Variants in DYNC2H1 observed in about 807,000 individuals in gnomAD.
DYNC2H1 encodes cytoplasmic dynein 2 heavy chain 1.
A neutral mutation model predicts 570.0 loss-of-function variants in DYNC2H1; 410 were observed. The observed-to-expected ratio is 0.72, with a 90% confidence interval of 0.66 to 0.78. The LOEUF (loss-of-function observed/expected upper bound fraction) is 0.78. DYNC2H1 is among the 30% of genes least tolerant of loss of function. The probability of loss-of-function intolerance (pLI) is 0.00; values close to 1 mark genes in which losing one functional copy is unlikely to be tolerated. For synonymous variants in DYNC2H1, 1,688 were observed against 1,677.6 expected, an observed-to-expected ratio of 1.01 and a Z score of -0.15; for missense variants, 4,865 against 5,046.4, an observed-to-expected ratio of 0.96 and a Z score of 1.09.
Position 103,465,958 on chromosome 11 carries a change from T to C in DYNC2H1, c.12649-2631T>C, listed in dbSNP as rs1231768428. On this transcript the variant is annotated intron_variant, in intron 87 of 88. Coordinates refer to ENST00000375735, the MANE Select transcript of DYNC2H1 (RefSeq NM_001377.3). The surrounding 1 kb of genome is among the most constrained non-coding windows in gnomAD (Gnocchi z 4.9). ...TCCTGAAGGAAGCAGCAGCCAAGCT[T>C]ACTTGGCAAAGGGGTGCATATTAGG... 6.6e-6 allele frequency among the ~76,000 whole-genome samples: 1 copy of C among 152,200 alleles called. No individual in the cohort carries two copies. Among genetic ancestry groups the C allele is most frequent in the Non-Finnish European group, 1.5e-5 (1 of 68,040 alleles).
At chr11:103,352,398 C>T (rs774510525) in intron 82 of DYNC2H1, among the ~76,000 whole-genome samples, 16 of 152,114 alleles carry the variant, frequency 1.1e-4, no homozygotes, top group Admixed American at 2.6e-4. Context: ...ATTAACTGCC[C>T]ATTCACTATT....
At chr11:103,389,508 T>C (rs1453268209) in intron 83 of DYNC2H1, among the ~76,000 whole-genome samples, 3 of 152,194 alleles carry the variant, frequency 2.0e-5, no homozygotes, top group Non-Finnish European at 4.4e-5. Flanking sequence ...TCATTTCTGC[T>C]CTGATCTTAG....
intron 82 of DYNC2H1, among the ~76,000 whole-genome samples, chr11:103,340,501 A>G (rs1415787073): frequency 6.6e-6 from 1 of 152,218 alleles, no homozygotes; most frequent in Non-Finnish European, 1.5e-5. Flanking sequence ...CTTTATTGCT[A>G]GACTAAACTA....
At chr11:103,382,958 G>A (rs1941717045) in intron 83 of DYNC2H1, among the ~76,000 whole-genome samples, 1 of 152,194 alleles carries the variant, frequency 6.6e-6, no homozygotes, top group Non-Finnish European at 1.5e-5. Flanking sequence ...ATATTTGCAG[G>A]AAGCAGCTAC....
At chr11:103,126,758 TC>T (rs1184434622) in intron 12 of DYNC2H1, among the ~76,000 whole-genome samples, 1 of 151,620 alleles carries the variant, frequency 6.6e-6, no homozygotes, top group Non-Finnish European at 1.5e-5. Flanking sequence ...TGCCTCAGCC[TC>T]CCGAGTAGCT....
In DYNC2H1 at chr11:103,311,865, A is replaced by G. The variant is rs1867603139; in HGVS notation, c.11494-13A>G. 1 of 1,596,988 alleles carries G rather than the reference A, an allele frequency of 6.3e-7. No homozygotes were observed. Among genetic ancestry groups the G allele is most frequent in the Non-Finnish European group, 8.5e-7 (1 of 1,172,544 alleles). On this transcript the variant is annotated splice_polypyrimidine_tract_variant and intron_variant, in intron 78 of 88. Transcript: ENST00000375735. The stretch of plus-strand genomic sequence containing the variant: ...GATTTTAGCAATAGGATGTCTGTTG[A>G]TTTTTTTTCTAGTCACCTCCAGGTT...
intron 84 of DYNC2H1, among the ~76,000 whole-genome samples, chr11:103,414,805 C>T (rs1943218985): frequency 6.6e-6 from 1 of 152,008 alleles, no homozygotes. Flanking sequence ...GAGTAAAATA[C>T]CTAAGAATAC....
intron 1 of DYNC2H1, among the ~76,000 whole-genome samples, chr11:103,113,174 C>G (rs1858193116): frequency 6.6e-6 from 1 of 152,020 alleles, no homozygotes; most frequent in African/African-American, 2.4e-5. Context: ...TCATTGTGTA[C>G]CTGGAGCCTA....
Position 103,455,197 on chromosome 11 carries a change from T to G in DYNC2H1, c.12468T>G (p.Asp4156Glu). 6.2e-7 allele frequency: 1 copy of G among 1,613,256 alleles called. No individual in the cohort carries two copies. The highest frequency in any genetic ancestry group is 8.5e-7 in the Non-Finnish European group (1 of 1,179,416). Residue 4156 changes from aspartate (D) to glutamate (E), a missense_variant, in exon 86 of 89, where the codon GAT becomes GAG. By Grantham distance (45) the Asp-to-Glu change is conservative (BLOSUM62 2). Transcript: ENST00000375735. ...TTCCCCCCCTCTAGAACTGGGTAGA[T>G]AAAGCTGAAAAACAGGCTCTTCTCT... ...ARALAIQNWV[D>E]KAEKQALLSE...
At position 103,201,276 on chromosome 11, in the gene DYNC2H1, G is replaced by A. The variant is rs936477981; in HGVS notation, c.8197+1122G>A. On this transcript the variant is annotated intron_variant, in intron 50 of 88. Transcript: ENST00000375735. The surrounding 1 kb of genome is among the most constrained non-coding windows in gnomAD (Gnocchi z 4.8). ...ACTCTCTAGAAATTTATGGCTAAGT[G>A]GGCTCTCTATGTATCTGGAATTCTA... 1.1e-4 allele frequency among the ~76,000 whole-genome samples: 16 copies of A among 152,056 alleles called. No homozygotes were observed. The highest frequency in any genetic ancestry group is 1.9e-4 in the Non-Finnish European group (13 of 68,014).
chr11:103,269,690 G>A (rs1405337900), intron 70 of DYNC2H1, among the ~76,000 whole-genome samples: 1 of 152,050 alleles, frequency 6.6e-6, no homozygotes, highest in Non-Finnish European at 1.5e-5. Context: ...TTCTTCAAGA[G>A]ATCAAAAGTT....
intron 3 of DYNC2H1, among the ~76,000 whole-genome samples, 191 bp downstream of exon 3, chr11:103,114,429 A>G (rs1340925710): frequency 6.6e-6 from 1 of 152,194 alleles, no homozygotes; most frequent in Non-Finnish European, 1.5e-5. Context: ...TGTGCAATCT[A>G]GCTTGAGCCT....
At chr11:103,265,246 C>A (rs1865462204) in intron 70 of DYNC2H1, among the ~76,000 whole-genome samples, 1 of 152,088 alleles carries the variant, frequency 6.6e-6, no homozygotes, top group African/African-American at 2.4e-5. Context: ...AACATTAGGA[C>A]AAATACCTAA....
rs147290488 is a variant in DYNC2H1, at chr11:103,461,933, A to AT, written c.12648+5585dup. ...GTTCTGAATGTGTTTCTTTAAAAAT[A>AT]TTTTTTTTCTTAAATATAATGTATT... On this transcript the variant is annotated intron_variant, in intron 87 of 88. Coordinates refer to ENST00000375735, the MANE Select transcript of DYNC2H1 (RefSeq NM_001377.3). The surrounding 1 kb of genome is among the most constrained non-coding windows in gnomAD (Gnocchi z 4.8). Among the ~76,000 whole-genome samples the AT allele has an allele frequency of 3.4e-4, 51 of 151,684 alleles. No homozygotes were observed. Among genetic ancestry groups the AT allele is most frequent in the Non-Finnish European group, 4.9e-4 (33 of 67,900 alleles).
At chr11:103,110,577 A>G (rs1173728223) in intron 1 of DYNC2H1, among the ~76,000 whole-genome samples, 1 of 152,124 alleles carries the variant, frequency 6.6e-6, no homozygotes, top group Non-Finnish European at 1.5e-5. Context: ...ATACTGATTT[A>G]TTAATTGCAC....
Position 103,396,088 on chromosome 11 carries a change from G to T in DYNC2H1, c.12157-3575G>T, listed in dbSNP as rs190302510. 2.6e-3 allele frequency among the ~76,000 whole-genome samples: 398 copies of T among 152,108 alleles called. 4 individuals carry two copies. Among genetic ancestry groups the T allele is most frequent in the African/African-American group, 8.8e-3 (366 of 41,490 alleles). ...GAACCAAGACATGATCATATAATCT[G>T]GAAAAAATACCTTTGTCCATTTGTT... On this transcript the variant is annotated intron_variant, in intron 83 of 88. Transcript: ENST00000375735.
chr11:103,305,905 A>G lies in DYNC2H1; in HGVS notation c.11382+1185A>G, dbSNP rs566984501. Among the ~76,000 whole-genome samples the G allele has an allele frequency of 5.9e-4, 90 of 152,214 alleles. No homozygotes were observed. Among genetic ancestry groups the G allele is most frequent in the Non-Finnish European group, 1.1e-3 (75 of 68,006 alleles). ...ATAAAATTTATGTCTGATAAATCAT[A>G]TATGTTTTGTTTTGGGTTTTTTTTG... On this transcript the variant is annotated intron_variant, in intron 77 of 88. Coordinates refer to ENST00000375735, the MANE Select transcript of DYNC2H1 (RefSeq NM_001377.3). This position sits in a 1 kb window ranked among gnomAD's most constrained non-coding sequence, Gnocchi z 4.3.
intron 82 of DYNC2H1, among the ~76,000 whole-genome samples, chr11:103,331,400 A>C (rs1938783823): frequency 6.6e-6 from 1 of 151,760 alleles, no homozygotes; most frequent in South Asian, 2.1e-4. Context: ...GGTCCATAAA[A>C]CTCTGCCCCT....
At chr11:103,316,876 AG>A (rs1411905817) in intron 80 of DYNC2H1, among the ~76,000 whole-genome samples, 6 of 152,206 alleles carry the variant, frequency 3.9e-5, no homozygotes, top group Non-Finnish European at 7.4e-5. Context: ...CAAAAGTTTC[AG>A]GCACTAACTG....
Sources: gnomAD v4.1 joint callset for allele counts (sites outside exome capture counted in the v4.1 genomes callset) on GRCh38, gnomAD v4.1.1 for gene constraint, Gnocchi (gnomAD v3.1) non-coding constraint, MANE v1.5 for transcripts, NCBI Gene and HGNC (gene_info 2026-07-23, HGNC 2026-07-21) for gene names.